GREB1L: variants seen among roughly 807,000 people sequenced by gnomAD.
GREB1L encodes the protein GREB1 like retinoic acid receptor coactivator.
GREB1L carries 17 observed loss-of-function variants against 200.8 expected under a neutral mutation model. That is an observed-to-expected ratio of 0.08 (90% CI 0.06 to 0.13). The LOEUF is 0.13. Among genes scored for constraint, GREB1L ranks in the 10% least tolerant of loss-of-function variants. GREB1L has a pLI of 1.00. For synonymous variants in GREB1L, 789 were observed against 893.0 expected, an observed-to-expected ratio of 0.88 and a Z score of 2.08; for missense variants, 1,657 against 2,367.7, an observed-to-expected ratio of 0.70 and a Z score of 6.23.
intron 1 of GREB1L, among the ~76,000 whole-genome samples, chr18:21,295,076 A>G (rs2038505820): frequency 6.6e-6 from 1 of 152,196 alleles, no homozygotes; most frequent in Admixed American, 6.5e-5. Flanking sequence ...CCCATTAACA[A>G]AGAATTTCAT....
chr18:21,516,868 C>A, intron 30 of GREB1L, 114 bp downstream of exon 30: 34 of 797,872 alleles, frequency 4.3e-5, no homozygotes, highest in Non-Finnish European at 6.2e-5. Flanking sequence ...AGTGAAATAA[C>A]ACAAGGGAGT....
intron 15 of GREB1L, among the ~76,000 whole-genome samples, chr18:21,469,316 T>C (rs1337508620): frequency 2.6e-5 from 4 of 152,232 alleles, no homozygotes. Flanking sequence ...ATTCTATGGG[T>C]TATTTCCAAC....
In GREB1L at chr18:21,454,525, T is replaced by C; in HGVS notation, c.2144T>C (p.Val715Ala). The C allele has an allele frequency of 1.4e-5, 22 of 1,551,504 alleles. No homozygotes were observed. The highest frequency in any genetic ancestry group is 1.8e-5 in the Non-Finnish European group (21 of 1,146,946). Residue 715 changes from valine (V) to alanine (A), a missense_variant, in exon 15 of 33, where the codon GTG (valine) becomes GCG (alanine). Val to Ala is a moderately conservative substitution (Grantham distance 64). This residue lies in a region of GREB1L where 239 missense variants were observed against 421.8 expected (regional missense o/e 0.57). Transcript: ENST00000424526. ...ATCATCATTGTTCCCAGATCGGAGG[T>C]GTTGGTTCAGCAAACTCTTCAGCGG... The part of the protein sequence containing the change: ...DFIIIVPRSE[V>A]LVQQTLQRIR...
chr18:21,268,556 CACACATATAT>C (rs1459561311), intron 1 of GREB1L, among the ~76,000 whole-genome samples: 26 of 95,738 alleles, frequency 2.7e-4, no homozygotes, highest in South Asian at 1.0e-3. Context: ...CACACACACA[CACACATATAT>C]ATATATATAT....
At chr18:21,459,262 C>CT (rs2034921395) in intron 15 of GREB1L, among the ~76,000 whole-genome samples, 1 of 126,622 alleles carries the variant, frequency 7.9e-6, no homozygotes, top group Non-Finnish European at 1.8e-5. Flanking sequence ...ACTTTCTTTT[C>CT]TTTTTCTTTT....
intron 1 of GREB1L, chr18:21,363,537 T>G (rs191629901): frequency 6.6e-6 from 1 of 152,160 alleles, no homozygotes; most frequent in African/African-American, 2.4e-5. Flanking sequence ...GCAGTTGTAT[T>G]TCTCTCTGGA....
Position 21,500,003 on chromosome 18 carries a change from G to A in GREB1L, c.3666G>A (p.Arg1222=), listed in dbSNP as rs1047040051. 3.0e-5 allele frequency: 46 copies of A among 1,551,334 alleles called. No individual in the cohort carries two copies. Among genetic ancestry groups the A allele is most frequent in the Non-Finnish European group, 3.7e-5 (43 of 1,146,994 alleles). The change falls in exon 22 of 33, where the codon CGG becomes CGA. Residue 1222 remains arginine, a synonymous_variant. Coordinates refer to ENST00000424526, the MANE Select transcript of GREB1L (RefSeq NM_001142966.3). ...CGGGACAGCCCATCAGAGGCTGCCGGGGCCCACAGGCAGCCCTGCCACCAG... is the reference window on the plus strand; with the variant it reads ...CGGGACAGCCCATCAGAGGCTGCCGAGGCCCACAGGCAGCCCTGCCACCAG... ...PWPGQPIRGC[R]GPQAALPPVV...
chr18:21,291,865 T>C (rs2038455964), intron 1 of GREB1L, among the ~76,000 whole-genome samples: 2 of 152,208 alleles, frequency 1.3e-5, no homozygotes, highest in Non-Finnish European at 2.9e-5. Flanking sequence ...CTGAAAGATT[T>C]GTTAAGAATA....
intron 15 of GREB1L, 162 bp downstream of exon 15, chr18:21,454,725 C>A: frequency 3.1e-6 from 2 of 651,234 alleles, no homozygotes; most frequent in South Asian, 3.7e-5. Flanking sequence ...TGAAGTTTTC[C>A]CTCAAAGTAC....
Position 21,457,992 on chromosome 18 carries a change from G to T in GREB1L, c.2182+3429G>T, listed in dbSNP as rs531016890. ...TTTTTTTTTTTTTTTTTTTGAGGCC[G>T]AGTTTTGCTCTTGTTGTACAGGCTG... On this transcript the variant is annotated intron_variant, in intron 15 of 32. Coordinates refer to ENST00000424526, the MANE Select transcript of GREB1L (RefSeq NM_001142966.3). Among the ~76,000 whole-genome samples, 23 of 126,830 alleles carry T rather than the reference G, an allele frequency of 1.8e-4. No individual in the cohort carries two copies. The East Asian group carries it at 3.8e-3, about 21-fold the overall frequency. The allele number at this position is 126,830 out of a possible 152,430, so 83.2% of individuals were successfully genotyped here. A position where few individuals can be genotyped will look rare whatever the true frequency, so the allele number is the denominator to read the frequency against.
rs1472244613 is a variant in GREB1L, at chr18:21,525,674, T to A, written c.*2853T>A. On this transcript the variant is annotated 3_prime_UTR_variant, in exon 33 of 33. Coordinates refer to ENST00000424526, the MANE Select transcript of GREB1L (RefSeq NM_001142966.3). ...ACTAATACAAGGTGTTTGTTATTGT[T>A]AATCTCCAGTTAAAACTTCTCAAAC... Among the ~76,000 whole-genome samples the A allele has an allele frequency of 1.3e-5, 2 of 152,238 alleles. No homozygotes were observed. Among genetic ancestry groups the A allele is most frequent in the African/African-American group, 4.8e-5 (2 of 41,466 alleles).
At chr18:21,517,484 C>A (rs781038022) in intron 30 of GREB1L, among the ~76,000 whole-genome samples, 1 of 152,082 alleles carries the variant, frequency 6.6e-6, no homozygotes, top group African/African-American at 2.4e-5. Flanking sequence ...TCAGCCACCA[C>A]GCACCACCAC....
intron 7 of GREB1L, among the ~76,000 whole-genome samples, chr18:21,421,227 A>G (rs1476153707): frequency 2.0e-5 from 3 of 152,184 alleles, no homozygotes; most frequent in East Asian, 1.9e-4. Flanking sequence ...ACATATGTCA[A>G]ACTTACCAAA....
At chr18:21,372,963 T>C (rs2039938734) in intron 2 of GREB1L, among the ~76,000 whole-genome samples, 1 of 152,098 alleles carries the variant, frequency 6.6e-6, no homozygotes, top group African/African-American at 2.4e-5. Context: ...CATCAGCTAT[T>C]GTTAGTGTTC....
chr18:21,249,144 T>A (rs1048062937), intron 1 of GREB1L, among the ~76,000 whole-genome samples: 4 of 149,602 alleles, frequency 2.7e-5, no homozygotes, highest in Non-Finnish European at 4.5e-5. Flanking sequence ...GTAGAATCTT[T>A]TTTTTTTTAT....
intron 1 of GREB1L, among the ~76,000 whole-genome samples, chr18:21,255,786 T>C (rs528301249): frequency 1.3e-5 from 2 of 152,222 alleles, no homozygotes; most frequent in Non-Finnish European, 2.9e-5. Flanking sequence ...TCCTGAATAT[T>C]AGAGTATAAG....
intron 1 of GREB1L, among the ~76,000 whole-genome samples, chr18:21,346,622 C>G (rs145810787): frequency 0.011 from 1,744 of 152,186 alleles, 19 homozygotes; most frequent in South Asian, 0.039. Context: ...TTTCCACAGC[C>G]CTTTCTCCTG....
At chr18:21,399,400 ATAGAG>A (rs917022888) in intron 5 of GREB1L, among the ~76,000 whole-genome samples, 14 of 151,960 alleles carry the variant, frequency 9.2e-5, no homozygotes, top group African/African-American at 3.4e-4. Context: ...CTAGCACATA[ATAGAG>A]TACAGTATTT....
intron 1 of GREB1L, among the ~76,000 whole-genome samples, chr18:21,273,468 CATACTT>C (rs2038111153): frequency 6.6e-6 from 1 of 151,990 alleles, no homozygotes. Flanking sequence ...TAATATTTGT[CATACTT>C]AACTATTTTA....
Sources: gnomAD v4.1 joint callset for allele counts (sites outside exome capture counted in the v4.1 genomes callset) on GRCh38, gnomAD v4.1.1 for gene constraint, gnomAD v4.1.1 regional missense constraint, MANE v1.5 for transcripts, NCBI Gene and HGNC (gene_info 2026-07-23, HGNC 2026-07-21) for gene names.